The following GALNTL6 variants were observed in gnomAD, a reference collection of about 807,000 sequenced individuals.
GALNTL6 encodes polypeptide N-acetylgalactosaminyltransferase like 6.
In GALNTL6, 46 loss-of-function variants were observed where a neutral mutation model predicts 73.7. That is an observed-to-expected ratio of 0.62 (90% CI 0.49 to 0.80). GALNTL6 has a LOEUF of 0.80. Among genes scored for constraint, GALNTL6 ranks in the 30% least tolerant of loss-of-function variants. The pLI, the probability that GALNTL6 is intolerant of heterozygous loss-of-function variation, is 0.00. For synonymous variants in GALNTL6, 259 were observed against 263.7 expected (o/e 0.98, Z 0.17); for missense variants, 604 against 755.0 (o/e 0.80, Z 2.34).
chr4:172,616,846 C>T (rs1269030584), intron 5 of GALNTL6, among the ~76,000 whole-genome samples: 1 of 152,050 alleles, frequency 6.6e-6, no homozygotes, highest in Non-Finnish European at 1.5e-5. Flanking sequence ...TGAAGAAAAA[C>T]ACAGGTCTCC....
intron 2 of GALNTL6, among the ~76,000 whole-genome samples, chr4:171,869,019 TC>T (rs1446447142): frequency 2.6e-5 from 4 of 152,192 alleles, no homozygotes; most frequent in Non-Finnish European, 5.9e-5. Context: ...GAGAGAGCAT[TC>T]CGCCTCTTCT....
rs182411904 is a variant in GALNTL6, at chr4:172,736,309, A to C, written c.554-73052A>C. Reference sequence around the variant, plus strand: ...TTAGAGACCTCCCCCTGAGAATACAATATTTTCCCAGGGCTGTTCCTTGCT... The same window carrying C: ...TTAGAGACCTCCCCCTGAGAATACACTATTTTCCCAGGGCTGTTCCTTGCT... On this transcript the variant is annotated intron_variant, in intron 5 of 12. Transcript: ENST00000506823. 2.3e-4 allele frequency among the ~76,000 whole-genome samples: 35 copies of C among 152,330 alleles called. No individual in the cohort carries two copies. The East Asian group carries it at 5.2e-3, about 23-fold the overall frequency.
intron 10 of GALNTL6, among the ~76,000 whole-genome samples, chr4:172,960,078 G>A (rs949810145): frequency 1.3e-5 from 2 of 152,210 alleles, no homozygotes; most frequent in Non-Finnish European, 1.5e-5. Flanking sequence ...TTTATTTAAT[G>A]TCAGGAGCAG....
chr4:172,110,344 G>T (rs1732817478), intron 2 of GALNTL6, among the ~76,000 whole-genome samples: 1 of 152,054 alleles, frequency 6.6e-6, no homozygotes, highest in South Asian at 2.1e-4. Context: ...ATTATCGGAG[G>T]CCATCAGTAT....
intron 5 of GALNTL6, among the ~76,000 whole-genome samples, chr4:172,545,418 A>G (rs942263983): frequency 1.3e-5 from 2 of 152,074 alleles, no homozygotes; most frequent in Non-Finnish European, 2.9e-5. Flanking sequence ...AAGCTCAGCC[A>G]CTCCTCACTT....
intron 8 of GALNTL6, among the ~76,000 whole-genome samples, chr4:172,918,581 CT>C (rs1466354318): frequency 1.8e-4 from 27 of 152,080 alleles, no homozygotes; most frequent in African/African-American, 7.2e-5. Context: ...ATCATATGCC[CT>C]GACTCCTCTC....
At chr4:171,989,378 A>G (rs1211686967) in intron 2 of GALNTL6, among the ~76,000 whole-genome samples, 5 of 152,184 alleles carry the variant, frequency 3.3e-5, no homozygotes, top group South Asian at 2.1e-4. Context: ...AGTGGCTGCC[A>G]GGTGAGTTGA....
At chr4:172,551,409 G>A (rs961975534) in intron 5 of GALNTL6, among the ~76,000 whole-genome samples, 6 of 151,826 alleles carry the variant, frequency 4.0e-5, no homozygotes, top group East Asian at 1.9e-4. Context: ...TCTTTTAAAC[G>A]TCTTCAGAAA....
At chr4:172,830,530 A>T (rs1742568648) in intron 7 of GALNTL6, among the ~76,000 whole-genome samples, 1 of 152,254 alleles carries the variant, frequency 6.6e-6, no homozygotes, top group Admixed American at 6.5e-5. Flanking sequence ...AGGAGGCTTT[A>T]ACTCCTAAAT....
chr4:171,876,498 AGTTTT>A (rs1189754657), intron 2 of GALNTL6, among the ~76,000 whole-genome samples: 1 of 152,206 alleles, frequency 6.6e-6, no homozygotes, highest in Non-Finnish European at 1.5e-5. Context: ...ATATTTGGTT[AGTTTT>A]AAGAGTTGAA....
intron 2 of GALNTL6, among the ~76,000 whole-genome samples, chr4:171,975,541 A>ACTACATTAGGCTG (rs367967328): frequency 0.038 from 5,765 of 152,242 alleles, 314 homozygotes; most frequent in African/African-American, 0.11. Context: ...GATTAGGCTG[A>ACTACATTAGGCTG]ACTGGGGCTA....
At chr4:172,377,597 A>G (rs1046283994) in intron 5 of GALNTL6, among the ~76,000 whole-genome samples, 2 of 152,130 alleles carry the variant, frequency 1.3e-5, no homozygotes, top group Admixed American at 6.5e-5. Flanking sequence ...GCCGGTGCCC[A>G]TCAGGGAGGC....
intron 5 of GALNTL6, among the ~76,000 whole-genome samples, chr4:172,783,187 A>C (rs1739465783): frequency 6.6e-6 from 1 of 151,074 alleles, no homozygotes; most frequent in Non-Finnish European, 1.5e-5. Flanking sequence ...CCTACACACC[A>C]AAAACTATGG....
chr4:172,997,374 T>C (rs1455759004), intron 10 of GALNTL6, among the ~76,000 whole-genome samples: 1 of 152,148 alleles, frequency 6.6e-6, no homozygotes, highest in Non-Finnish European at 1.5e-5. Flanking sequence ...TCTCGGAGCC[T>C]CAGTTGCAAA....
Position 172,214,174 on chromosome 4 carries a change from CAAT to C in GALNTL6, c.139-15480_139-15478del, listed in dbSNP as rs1736419953. Among the ~76,000 whole-genome samples, 3 of 152,290 alleles carry C rather than the reference CAAT, an allele frequency of 2.0e-5. No homozygotes were observed. The South Asian group carries it at 6.2e-4, about 32-fold the overall frequency. ...TTGACCTGTGTGTCTATTCTTGTGACAATACCATGTGTCTTGATAACTGTAATA... is the reference window on the plus strand; with the variant it reads ...TTGACCTGTGTGTCTATTCTTGTGACACCATGTGTCTTGATAACTGTAATA... On this transcript the variant is annotated intron_variant, in intron 2 of 12. Coordinates refer to ENST00000506823, the MANE Select transcript of GALNTL6 (RefSeq NM_001034845.3).
intron 2 of GALNTL6, among the ~76,000 whole-genome samples, chr4:171,948,359 G>A (rs973851796): frequency 6.6e-6 from 1 of 152,166 alleles, no homozygotes; most frequent in Non-Finnish European, 1.5e-5. Flanking sequence ...GTAATAAGTA[G>A]TATATAAAGT....
chr4:172,846,139 G>A (rs1309322045), intron 7 of GALNTL6, among the ~76,000 whole-genome samples: 3 of 152,090 alleles, frequency 2.0e-5, no homozygotes, highest in Non-Finnish European at 2.9e-5. Flanking sequence ...GGCCCCAGTA[G>A]GGAAGAGCAT....
intron 2 of GALNTL6, among the ~76,000 whole-genome samples, chr4:172,061,648 C>G (rs1274599920): frequency 6.6e-6 from 1 of 151,986 alleles, no homozygotes; most frequent in Non-Finnish European, 1.5e-5. Context: ...TAATTTTTCT[C>G]TTAATTAACC....
chr4:172,250,139 G>C (rs1466698571), intron 3 of GALNTL6, among the ~76,000 whole-genome samples: 1 of 152,190 alleles, frequency 6.6e-6, no homozygotes, highest in African/African-American at 2.4e-5. Context: ...AGCTGCTAAA[G>C]GCTGTGGGAG....
Sources: allele counts gnomAD v4.1 joint callset (sites outside exome capture counted in the v4.1 genomes callset), GRCh38; gene constraint gnomAD v4.1.1; transcripts MANE v1.5; gene names NCBI Gene and HGNC (gene_info 2026-07-23, HGNC 2026-07-21).